Variants in SLC6A17 observed in about 807,000 individuals in gnomAD.
The protein encoded by SLC6A17 is solute carrier family 6 member 17.
A neutral mutation model predicts 64.5 loss-of-function variants in SLC6A17; 21 were observed. The ratio of observed to expected loss-of-function variants is 0.33; its 90% CI spans 0.23 to 0.47. The LOEUF is 0.47. Among genes scored for constraint, SLC6A17 ranks in the 20% least tolerant of loss-of-function variants. The pLI is 1.00. For missense variants in SLC6A17, 682 were observed against 963.2 expected, an observed-to-expected ratio of 0.71 and a Z score of 3.86; for synonymous variants, 372 against 399.5, an observed-to-expected ratio of 0.93 and a Z score of 0.82.
intron 2 of SLC6A17, among the ~76,000 whole-genome samples, chr1:110,170,193 C>T (rs763433687): frequency 6.6e-6 from 1 of 152,098 alleles, no homozygotes; most frequent in African/African-American, 2.4e-5. Context: ...AATACAAAAC[C>T]AGTGAGGCTG....
chr1:110,183,188 G>T (rs1656578813), intron 6 of SLC6A17, among the ~76,000 whole-genome samples: 1 of 152,194 alleles, frequency 6.6e-6, no homozygotes. Context: ...TAGCAGCATT[G>T]TGTATTATAG....
intron 6 of SLC6A17, among the ~76,000 whole-genome samples, chr1:110,185,264 C>A (rs1333117157): frequency 1.3e-5 from 2 of 152,238 alleles, no homozygotes; most frequent in Non-Finnish European, 2.9e-5. Context: ...CTGCTCCTGG[C>A]AAGTGGAGAG....
rs765741860 is a variant in SLC6A17 at position 110,192,064 on chromosome 1, C to T, written c.957C>T (p.Phe319=). 2.5e-6 allele frequency: 4 copies of T among 1,614,214 alleles called. No individual in the cohort carries two copies. The highest frequency in any genetic ancestry group is 2.5e-6 in the Non-Finnish European group (3 of 1,180,038). The part of the protein sequence containing the change: ...LGLGFGGVIA[F]SSYNKQDNNC... ...TGGGCTTTGGTGGTGTCATTGCCTT[C>T]TCCAGCTACAATAAGCAGGACAACA... is the stretch of plus-strand genomic sequence containing the variant. The change falls in exon 7 of 12, where the codon TTC becomes TTT. Residue 319 remains phenylalanine, a synonymous_variant. Coordinates refer to ENST00000331565, the MANE Select transcript of SLC6A17 (RefSeq NM_001010898.4). The surrounding 1 kb of genome is among the most constrained non-coding windows in gnomAD (Gnocchi z 4.3).
At position 110,174,730 on chromosome 1, in the gene SLC6A17, C is replaced by A; in HGVS notation, c.572-49C>A. ...AGTGGTGGTCCAGCAGAGGAAGTGA[C>A]CCCATAGGCCCTGCCACTGAGGCCC... On this transcript the variant is annotated intron_variant, in intron 4 of 11. Transcript: ENST00000331565. 2.5e-6 allele frequency: 4 copies of A among 1,591,392 alleles called. 1 individual carries two copies. In the South Asian group the frequency reaches 4.6e-5, roughly 18 times the overall value.
chr1:110,195,530 A>C, intron 9 of SLC6A17, 56 bp from the exon 10 acceptor site: 5 of 1,593,042 alleles, frequency 3.1e-6, no homozygotes, highest in Non-Finnish European at 4.3e-6. Flanking sequence ...CGAGACCCCC[A>C]GGGCCCTGCC....
Position 110,200,583 on chromosome 1 carries a change from C to T in SLC6A17, c.*2139C>T, listed in dbSNP as rs1231362904. 4 of 152,892 alleles carry T rather than the reference C, an allele frequency of 2.6e-5. No homozygotes were observed. The highest frequency in any genetic ancestry group is 5.8e-5 in the Non-Finnish European group (4 of 68,602). 9.5% of individuals were successfully genotyped at this position (152,892 alleles called of 1,614,324 possible). ...CTGTGGCTGGTGGACTATTTTCATC[C>T]TCAGTGCTGTACAGATCTATTTTCA... On this transcript the variant is annotated 3_prime_UTR_variant, in exon 12 of 12. Coordinates refer to ENST00000331565, the MANE Select transcript of SLC6A17 (RefSeq NM_001010898.4).
Position 110,166,918 on chromosome 1 carries a change from C to T in SLC6A17, c.-12C>T, listed in dbSNP as rs1467690150. On this transcript the variant is annotated 5_prime_UTR_variant, in exon 2 of 12. Coordinates refer to ENST00000331565, the MANE Select transcript of SLC6A17 (RefSeq NM_001010898.4). ...TGCTGGGGAGCAGGGCTACACGGCC[C>T]AGGTGGCATCAATGCCGAAGAACAG... 5 of 1,598,090 alleles carry T rather than the reference C, an allele frequency of 3.1e-6. No homozygotes were observed. Among genetic ancestry groups the T allele is most frequent in the East Asian group, 2.2e-5 (1 of 44,594 alleles).
chr1:110,186,157 C>T (rs1207285237), intron 6 of SLC6A17, among the ~76,000 whole-genome samples: 2 of 151,652 alleles, frequency 1.3e-5, no homozygotes, highest in African/African-American at 4.8e-5. Context: ...TTTTTCTATC[C>T]AAAGTTGTTG....
chr1:110,161,906 G>A (rs961609591), intron 1 of SLC6A17, among the ~76,000 whole-genome samples: 1 of 152,188 alleles, frequency 6.6e-6, no homozygotes, highest in Non-Finnish European at 1.5e-5. Flanking sequence ...CACCCCTCTG[G>A]CAGGAGATAT....
chr1:110,166,790 C>T (rs1048217583), intron 1 of SLC6A17, 53 bp from the exon 2 acceptor site: 2 of 1,189,476 alleles, frequency 1.7e-6, no homozygotes, highest in Non-Finnish European at 1.1e-6. Context: ...CGTTGGGCTC[C>T]TCACCTTCCT....
At chr1:110,179,759 G>C (rs887926550) in intron 6 of SLC6A17, among the ~76,000 whole-genome samples, 1 of 152,032 alleles carries the variant, frequency 6.6e-6, no homozygotes, top group African/African-American at 2.4e-5. Flanking sequence ...CTCCATGTTG[G>C]TCAGGTTGGT....
In SLC6A17 at chr1:110,192,709, A is replaced by C; in HGVS notation, c.1299+11A>C. 6.2e-7 allele frequency: 1 copy of C among 1,607,558 alleles called. No individual in the cohort carries two copies. Among genetic ancestry groups the C allele is most frequent in the Non-Finnish European group, 8.5e-7 (1 of 1,175,990 alleles). On this transcript the variant is annotated intron_variant, in intron 8 of 11. Transcript: ENST00000331565. This position sits in a 1 kb window ranked among gnomAD's most constrained non-coding sequence, Gnocchi z 4.3. Reference sequence around the variant, plus strand: ...GACGAGCTGGACAAGGTGCGGGGACAGGCTGCCCTTCCCAGGACAGGCAGG... The same window carrying C: ...GACGAGCTGGACAAGGTGCGGGGACCGGCTGCCCTTCCCAGGACAGGCAGG...
Position 110,169,785 on chromosome 1 carries a change from G to C in SLC6A17, c.287-2275G>C, listed in dbSNP as rs1026139435. 3.3e-5 allele frequency among the ~76,000 whole-genome samples: 5 copies of C among 152,338 alleles called. No homozygotes were observed. In the East Asian group the frequency reaches 7.7e-4, roughly 23 times the overall value. ...AAAGGAAATCCAGTTGTGTCCCCAA[G>C]TTGTATTTTCTAAGGCGGAAGAGGA... On this transcript the variant is annotated intron_variant, in intron 2 of 11. Coordinates refer to ENST00000331565, the MANE Select transcript of SLC6A17 (RefSeq NM_001010898.4).
rs532400803 is a variant in SLC6A17, at chr1:110,181,902, G to A, written c.864+5163G>A. ...GTATGGTCGGTAGTAATGTACAGCC[G>A]GATCATGAGGGTCCTGTGGTTAAGG... is the stretch of plus-strand genomic sequence containing the variant. On this transcript the variant is annotated intron_variant, in intron 6 of 11. Transcript: ENST00000331565. Among the ~76,000 whole-genome samples, 27 of 152,310 alleles carry A rather than the reference G, an allele frequency of 1.8e-4. 1 individual carries two copies. In the South Asian group the frequency reaches 2.7e-3, roughly 15 times the overall value.
intron 3 of SLC6A17, among the ~76,000 whole-genome samples, chr1:110,173,370 A>G (rs1363810970): frequency 6.6e-6 from 1 of 152,122 alleles, no homozygotes; most frequent in Non-Finnish European, 1.5e-5. Context: ...CCATAGAAAC[A>G]TTGCTTTCAA....
At chr1:110,183,079 T>G (rs1656576564) in intron 6 of SLC6A17, among the ~76,000 whole-genome samples, 1 of 152,086 alleles carries the variant, frequency 6.6e-6, no homozygotes, top group African/African-American at 2.4e-5. Context: ...CCTCAAAAGG[T>G]TAAACAGAGT....
rs951455211 is a variant in SLC6A17 at position 110,182,574 on chromosome 1, C to T, written c.864+5835C>T. ...GGCCCTGGTGTTTAGAGGCTGAGGGCGGGATAGCTGTGGGTGGGCGGTGGC... is the reference window on the plus strand; with the variant it reads ...GGCCCTGGTGTTTAGAGGCTGAGGGTGGGATAGCTGTGGGTGGGCGGTGGC... On this transcript the variant is annotated intron_variant, in intron 6 of 11. Transcript: ENST00000331565. Among the ~76,000 whole-genome samples the T allele has an allele frequency of 3.4e-5, 5 of 149,164 alleles. No individual in the cohort carries two copies. In the South Asian group the frequency reaches 6.6e-4, roughly 20 times the overall value.
At chr1:110,170,449 C>T (rs1013966641) in intron 2 of SLC6A17, among the ~76,000 whole-genome samples, 8 of 152,094 alleles carry the variant, frequency 5.3e-5, no homozygotes, top group Non-Finnish European at 1.2e-4. Context: ...GCGCCACTGC[C>T]CTCCAGCCTG....
In SLC6A17 at chr1:110,192,678, C is replaced by T; in HGVS notation, c.1279C>T (p.Leu427=). Reference sequence around the variant, plus strand: ...AGCCCTGGGCCTTGACCCCTGCCTTCTGGAGGACGAGCTGGACAAGGTGCG... The same window carrying T: ...AGCCCTGGGCCTTGACCCCTGCCTTTTGGAGGACGAGCTGGACAAGGTGCG... The part of the protein sequence containing the change: ...FSALGLDPCL[L]EDELDKSVQG... Residue 427 remains leucine (L), a synonymous_variant, in exon 8 of 12, where the codon CTG becomes TTG. Coordinates refer to ENST00000331565, the MANE Select transcript of SLC6A17 (RefSeq NM_001010898.4). This position sits in a 1 kb window ranked among gnomAD's most constrained non-coding sequence, Gnocchi z 4.3. 6.2e-7 allele frequency: 1 copy of T among 1,613,754 alleles called. No homozygotes were observed. The highest frequency in any genetic ancestry group is 8.5e-7 in the Non-Finnish European group (1 of 1,179,812).
Sources: allele counts gnomAD v4.1 joint callset (sites outside exome capture counted in the v4.1 genomes callset), GRCh38; gene constraint gnomAD v4.1.1; non-coding constraint Gnocchi (gnomAD v3.1); transcripts MANE v1.5; gene names NCBI Gene and HGNC (gene_info 2026-07-23, HGNC 2026-07-21).